ATF7: variants seen among roughly 807,000 people sequenced by gnomAD.
ATF7 encodes cyclic AMP-dependent transcription factor ATF-7.
Under a neutral mutation model 50.4 loss-of-function variants are expected in ATF7, and 10 were observed. The ratio of observed to expected loss-of-function variants is 0.20; its 90% CI spans 0.12 to 0.34. The LOEUF (loss-of-function observed/expected upper bound fraction) is 0.34. ATF7 is among the 10% of genes least tolerant of loss of function. The pLI is 1.00. For missense variants in ATF7, 465 were observed against 613.9 expected (o/e 0.76, Z 2.56); for synonymous variants, 201 against 226.4 (o/e 0.89, Z 1.01).
chr12:53,523,048 C>T (rs574387902), intron 11 of ATF7: 26 of 429,224 alleles, frequency 6.1e-5, no homozygotes, highest in South Asian at 5.2e-4. Flanking sequence ...AATATGCACC[C>T]GGTAAATATT....
At chr12:53,611,483 ATCCAG>A (rs1223257237) in intron 1 of ATF7, among the ~76,000 whole-genome samples, 1 of 151,672 alleles carries the variant, frequency 6.6e-6, no homozygotes, top group Non-Finnish European at 1.5e-5. Context: ...AAAATTCTTA[ATCCAG>A]TAATAGTATA....
intron 2 of ATF7, among the ~76,000 whole-genome samples, chr12:53,581,981 G>A (rs1213590699): frequency 3.3e-5 from 5 of 151,720 alleles, no homozygotes; most frequent in Admixed American, 2.0e-4. Context: ...AAATTAGCCG[G>A]GTATGGTGGT....
intron 2 of ATF7, among the ~76,000 whole-genome samples, chr12:53,585,164 T>TG (rs1334991341): frequency 1.3e-5 from 2 of 151,846 alleles, no homozygotes; most frequent in Admixed American, 6.6e-5. Flanking sequence ...TTTGTAAGGA[T>TG]GGGGTCTCAC....
chr12:53,572,238 A>T (rs566826868), intron 2 of ATF7, among the ~76,000 whole-genome samples: 1 of 152,340 alleles, frequency 6.6e-6, no homozygotes, highest in South Asian at 2.1e-4. Context: ...GAAAAATCTT[A>T]ACAACTCTTC....
chr12:53,535,328 C>CAAAAAAAAA (rs397938442), intron 5 of ATF7, among the ~76,000 whole-genome samples: 51 of 64,942 alleles, frequency 7.9e-4, no homozygotes, highest in African/African-American at 2.5e-3. Flanking sequence ...GACTCTGCCT[C>CAAAAAAAAA]AAAAAAAAAA....
chr12:53,513,357 A>G lies in ATF7; in HGVS notation c.*3780T>C, dbSNP rs1490900426. 2 of 152,168 alleles carry G rather than the reference A, an allele frequency of 1.3e-5. No individual in the cohort carries two copies. Among genetic ancestry groups the G allele is most frequent in the Non-Finnish European group, 2.9e-5 (2 of 68,026 alleles). The allele number at this position is 152,168 out of a possible 1,614,324, so 9.4% of individuals were successfully genotyped here. ...GTCTGTATGCACATTTGTGTGTACA[A>G]ACAGACACAGAGAAATCAGTCCTGT... On this transcript the variant is annotated 3_prime_UTR_variant, in exon 12 of 12. Transcript: ENST00000420353.
chr12:53,580,879 A>C (rs1274889410), intron 2 of ATF7, among the ~76,000 whole-genome samples: 1 of 151,994 alleles, frequency 6.6e-6, no homozygotes, highest in Non-Finnish European at 1.5e-5. Flanking sequence ...TGGGAGGCCA[A>C]GGTGGGTGGA....
At chr12:53,521,016 G>C (rs1361817689) in intron 11 of ATF7, among the ~76,000 whole-genome samples, 1 of 150,472 alleles carries the variant, frequency 6.6e-6, no homozygotes, top group African/African-American at 2.4e-5. Context: ...TTTTGAGACG[G>C]AATTTCCCTC....
chr12:53,512,883 G>A lies in ATF7; in HGVS notation c.*4254C>T, dbSNP rs1479912486. 4.6e-5 allele frequency: 7 copies of A among 152,168 alleles called. No individual in the cohort carries two copies. The highest frequency in any genetic ancestry group is 7.4e-5 in the Non-Finnish European group (5 of 68,026). 9.4% of individuals were successfully genotyped at this position (152,168 alleles called of 1,614,324 possible). ...AGAAATGGTTCTCAACCTTTAGTGTGCATTAGAATCACTTGGAGTGCTTTT... is the reference window on the plus strand; with the variant it reads ...AGAAATGGTTCTCAACCTTTAGTGTACATTAGAATCACTTGGAGTGCTTTT... On this transcript the variant is annotated 3_prime_UTR_variant, in exon 12 of 12. Transcript: ENST00000420353.
intron 2 of ATF7, among the ~76,000 whole-genome samples, chr12:53,577,465 C>T (rs990969884): frequency 2.0e-5 from 3 of 151,744 alleles, no homozygotes; most frequent in African/African-American, 7.3e-5. Flanking sequence ...TCCTGTAATC[C>T]CAGCACTTTG....
chr12:53,549,208 A>C (rs1940150604), intron 3 of ATF7, among the ~76,000 whole-genome samples: 1 of 148,062 alleles, frequency 6.8e-6, no homozygotes, highest in Non-Finnish European at 1.5e-5. Context: ...AATGGCATGA[A>C]CCCGGGAAGC....
At chr12:53,529,514 T>G (rs761151809) in intron 9 of ATF7, among the ~76,000 whole-genome samples, 10 of 150,886 alleles carry the variant, frequency 6.6e-5, no homozygotes, top group African/African-American at 9.7e-5. Context: ...TTTTTTTGTA[T>G]TTTTAGTAGA....
At chr12:53,530,394 T>A (rs535597843) in intron 9 of ATF7, among the ~76,000 whole-genome samples, 1 of 152,254 alleles carries the variant, frequency 6.6e-6, no homozygotes, top group Non-Finnish European at 1.5e-5. Flanking sequence ...GCAGATGATA[T>A]GAAAACTGAG....
In ATF7 at chr12:53,560,992, C is replaced by T. The variant is rs563833114; in HGVS notation, c.49-8355G>A. On this transcript the variant is annotated intron_variant, in intron 2 of 11. Coordinates refer to ENST00000420353, the MANE Select transcript of ATF7 (RefSeq NM_006856.3). ...ACAGGGTCTCACTCTGTAGCTCAGGCTGGAGTGCAGTGATGTGATCTTAGA... is the reference window on the plus strand; with the variant it reads ...ACAGGGTCTCACTCTGTAGCTCAGGTTGGAGTGCAGTGATGTGATCTTAGA... Among the ~76,000 whole-genome samples, 243 of 148,198 alleles carry T rather than the reference C, an allele frequency of 1.6e-3. 5 individuals are homozygous for T. The highest frequency in any genetic ancestry group is 5.6e-3 in the African/African-American group (225 of 40,064).
At chr12:53,609,213 G>A (rs1943741717) in intron 1 of ATF7, among the ~76,000 whole-genome samples, 1 of 149,412 alleles carries the variant, frequency 6.7e-6, no homozygotes, top group South Asian at 2.1e-4. Context: ...GGAGTCCAAT[G>A]GTGTGTTCTC....
Position 53,520,627 on chromosome 12 carries a change from A to T in ATF7, c.1234+2649T>A, listed in dbSNP as rs73313254. On this transcript the variant is annotated intron_variant, in intron 11 of 11. Coordinates refer to ENST00000420353, the MANE Select transcript of ATF7 (RefSeq NM_006856.3). Reference sequence around the variant, plus strand: ...CTCTGAATTACAAATCCATATAACCAACTGACTGCTTGACATCTCCACCTG... The same window carrying T: ...CTCTGAATTACAAATCCATATAACCTACTGACTGCTTGACATCTCCACCTG... 8.8e-3 allele frequency among the ~76,000 whole-genome samples: 1,343 copies of T among 152,142 alleles called. 21 individuals are homozygous for T. The highest frequency in any genetic ancestry group is 0.031 in the African/African-American group (1,297 of 41,496).
In ATF7 at chr12:53,534,667, A is replaced by G. The variant is rs567250238; in HGVS notation, c.403-8T>C. The stretch of plus-strand genomic sequence containing the variant: ...AGGCTTTGGGGTAACCTCCTGGAGA[A>G]AAGAAACCAACAGATCACAAAATGT... On this transcript the variant is annotated splice_polypyrimidine_tract_variant and splice_region_variant and intron_variant, in intron 5 of 11. Coordinates refer to ENST00000420353, the MANE Select transcript of ATF7 (RefSeq NM_006856.3). 2.5e-6 allele frequency: 4 copies of G among 1,609,186 alleles called. No individual in the cohort carries two copies. The South Asian group carries it at 4.4e-5, about 18-fold the overall frequency.
chr12:53,530,652 G>C lies in ATF7; in HGVS notation c.927+1092C>G, dbSNP rs1222092721. Among the ~76,000 whole-genome samples, 3 of 152,098 alleles carry C rather than the reference G, an allele frequency of 2.0e-5. No homozygotes were observed. In the East Asian group the frequency reaches 5.8e-4, roughly 29 times the overall value. On this transcript the variant is annotated intron_variant, in intron 9 of 11. Transcript: ENST00000420353. The stretch of plus-strand genomic sequence containing the variant: ...AGACAAAGTCTCACTCTATCACCCA[G>C]GCTGGAGTGCAGTGGTGTGATCTCA...
intron 1 of ATF7, among the ~76,000 whole-genome samples, chr12:53,609,120 C>T (rs764102717): frequency 1.5e-4 from 22 of 151,640 alleles, no homozygotes; most frequent in South Asian, 6.3e-4. Flanking sequence ...GTCTAGCCAA[C>T]AAAGCAAGAG....
Sources: allele counts gnomAD v4.1 joint callset (sites outside exome capture counted in the v4.1 genomes callset), GRCh38; gene constraint gnomAD v4.1.1; transcripts MANE v1.5; gene names NCBI Gene and HGNC (gene_info 2026-07-23, HGNC 2026-07-21).